The following TRPM2 variants were observed in gnomAD, a reference collection of about 807,000 sequenced individuals.
The protein encoded by TRPM2 is estrogen-responsive element-associated gene 1 protein.
A neutral mutation model predicts 174.0 loss-of-function variants in TRPM2; 161 were observed. That is an observed-to-expected ratio of 0.93 (90% CI 0.81 to 1.05). TRPM2 has a LOEUF of 1.05. TRPM2 is among the 50% of genes least tolerant of loss of function. TRPM2 has a pLI of 0.00. For synonymous variants in TRPM2, 954 were observed against 861.3 expected, an observed-to-expected ratio of 1.11 and a Z score of -1.88; for missense variants, 2,057 against 2,038.0, an observed-to-expected ratio of 1.01 and a Z score of -0.18.
At chr21:44,405,002 G>A (rs530210956) in intron 16 of TRPM2, 140 bp from the exon 17 acceptor site, 4 of 762,410 alleles carry the variant, frequency 5.2e-6, no homozygotes, top group South Asian at 3.1e-5. Context: ...GTGACAGCAA[G>A]GGTAGTGATG....
At chr21:44,364,075 C>T in intron 2 of TRPM2, 39 bp from the exon 3 acceptor site, 1 of 1,596,086 alleles carries the variant, frequency 6.3e-7, no homozygotes, top group South Asian at 1.1e-5. Flanking sequence ...GCAGGAAGGG[C>T]ACCACACTCC....
intron 29 of TRPM2, among the ~76,000 whole-genome samples, 177 bp downstream of exon 29, chr21:44,437,344 C>T (rs968986089): frequency 1.3e-5 from 2 of 152,196 alleles, no homozygotes; most frequent in African/African-American, 2.4e-5. Flanking sequence ...CCTCCCTTTT[C>T]CTCATGTTGC....
chr21:44,421,638 C>T (rs185902819), intron 22 of TRPM2, among the ~76,000 whole-genome samples: 30 of 152,048 alleles, frequency 2.0e-4, no homozygotes, highest in East Asian at 3.9e-4. Context: ...TAGCCAGGCA[C>T]GGTGGCTCAT....
chr21:44,436,563 A>C (rs1601261805), intron 28 of TRPM2, among the ~76,000 whole-genome samples: 2 of 47,256 alleles, frequency 4.2e-5, no homozygotes, highest in Non-Finnish European at 7.8e-5. Flanking sequence ...TTGGCACCCC[A>C]CGTCACCCCC....
rs1194941911 is a variant in TRPM2, at chr21:44,367,666, G to A, written c.604+732G>A. On this transcript the variant is annotated intron_variant, in intron 4 of 31. Transcript: ENST00000397928. This position sits in a 1 kb window ranked among gnomAD's most constrained non-coding sequence, Gnocchi z 4.6. ...TAGTGAGGCCCTGAGGTGACTACTT[G>A]GCAATGTTGCGTCCGGATGGGCCTA... Among the ~76,000 whole-genome samples, 2 of 152,192 alleles carry A rather than the reference G, an allele frequency of 1.3e-5. No homozygotes were observed. The highest frequency in any genetic ancestry group is 2.9e-5 in the Non-Finnish European group (2 of 68,026).
At chr21:44,387,677 T>C (rs1460293410) in intron 9 of TRPM2, among the ~76,000 whole-genome samples, 2 of 152,044 alleles carry the variant, frequency 1.3e-5, no homozygotes, top group African/African-American at 4.8e-5. Flanking sequence ...CCAGAATATA[T>C]AGAGAACTCC....
intron 5 of TRPM2, among the ~76,000 whole-genome samples, chr21:44,375,452 C>T (rs752134323): frequency 1.3e-5 from 2 of 152,192 alleles, no homozygotes; most frequent in African/African-American, 2.4e-5. Flanking sequence ...TGGTCTCTCA[C>T]GTGTCTGGAG....
intron 19 of TRPM2, among the ~76,000 whole-genome samples, chr21:44,411,035 C>A (rs1440375010): frequency 6.6e-6 from 1 of 151,750 alleles, no homozygotes; most frequent in African/African-American, 2.4e-5. Context: ...TCTTGGTTGG[C>A]GTAGCCTTGT....
intron 2 of TRPM2, among the ~76,000 whole-genome samples, chr21:44,356,270 G>A (rs2048060495): frequency 6.6e-6 from 1 of 151,162 alleles, no homozygotes; most frequent in South Asian, 2.1e-4. Context: ...GCCATGGAGG[G>A]CTGGATGTAG....
intron 19 of TRPM2, among the ~76,000 whole-genome samples, chr21:44,408,507 G>T (rs1323155076): frequency 6.6e-6 from 1 of 151,754 alleles, no homozygotes. Flanking sequence ...AAAAAACAAA[G>T]CTCGCATCCC....
intron 3 of TRPM2, among the ~76,000 whole-genome samples, chr21:44,365,073 C>T (rs1279101517): frequency 8.7e-5 from 13 of 150,226 alleles, no homozygotes; most frequent in African/African-American, 2.2e-4. Context: ...CTGAGACTCG[C>T]GTGTTGACCA....
intron 12 of TRPM2, among the ~76,000 whole-genome samples, chr21:44,396,928 GGGGTTGTGGAGGGCTGTGGAGGCTGTGGA>G (rs1251152232): frequency 8.4e-6 from 1 of 119,214 alleles, no homozygotes; most frequent in East Asian, 2.6e-4. Context: ...AGGGGTGTGG[GGGGTTGTGGAGGGCTGTGGAGGCTGTGGA>G]GGGTTGTGGG....
chr21:44,381,703 T>C (rs993563464), intron 8 of TRPM2, among the ~76,000 whole-genome samples: 49 of 151,942 alleles, frequency 3.2e-4, no homozygotes, highest in African/African-American at 1.2e-3. Context: ...GGTCAGGAGT[T>C]TGAGACCAGC....
In TRPM2 at chr21:44,354,847, T is replaced by C. The variant is rs781128587; in HGVS notation, c.254+111T>C. The C allele has an allele frequency of 2.4e-5, 22 of 903,226 alleles. No individual in the cohort carries two copies. Among genetic ancestry groups the C allele is most frequent in the Non-Finnish European group, 3.8e-5 (21 of 546,088 alleles). The allele number at this position is 903,226 out of a possible 1,614,324, so 56.0% of individuals were successfully genotyped here. On this transcript the variant is annotated intron_variant, in intron 2 of 31. Coordinates refer to ENST00000397928, the MANE Select transcript of TRPM2 (RefSeq NM_003307.4). This position sits in a 1 kb window ranked among gnomAD's most constrained non-coding sequence, Gnocchi z 4.3. ...GGCCTCAGTGAAGGGTCACTGGAGA[T>C]ACCTCTGTCTCCATACGAGGCTTAG...
chr21:44,378,257 C>G (rs995770451), intron 7 of TRPM2, among the ~76,000 whole-genome samples: 15 of 152,352 alleles, frequency 9.8e-5, no homozygotes, highest in African/African-American at 3.1e-4. Context: ...CGACCCTAAC[C>G]CTAACTGCTT....
intron 22 of TRPM2, among the ~76,000 whole-genome samples, chr21:44,419,576 A>C (rs1274096551): frequency 9.0e-3 from 2 of 222 alleles, no homozygotes; most frequent in Non-Finnish European, 0.01. Context: ...GGTGGTGGTG[A>C]TGGTAGTGGT....
rs2049164768 is a variant in TRPM2, at chr21:44,391,265, C to T, written c.1441-7C>T. On this transcript the variant is annotated splice_polypyrimidine_tract_variant and splice_region_variant and intron_variant, in intron 10 of 31. Coordinates refer to ENST00000397928, the MANE Select transcript of TRPM2 (RefSeq NM_003307.4). This position sits in a 1 kb window ranked among gnomAD's most constrained non-coding sequence, Gnocchi z 5.0. Reference sequence around the variant, plus strand: ...TGCAACCGTCACTGCACAATGCTTGCTCTCAGCCTTCAGATCTGCACCCCA... The same window carrying T: ...TGCAACCGTCACTGCACAATGCTTGTTCTCAGCCTTCAGATCTGCACCCCA... The T allele has an allele frequency of 6.2e-7, 1 of 1,609,650 alleles. No individual in the cohort carries two copies. Among genetic ancestry groups the T allele is most frequent in the Admixed American group, 1.7e-5 (1 of 59,874 alleles).
chr21:44,354,559 G>A lies in TRPM2; in HGVS notation c.166-89G>A, dbSNP rs932457600. ...CTTCCTTCAAGCAAATAGTGTGAAA[G>A]CTCCTCAAGGAGCTCAGATGTGTCT... is the stretch of plus-strand genomic sequence containing the variant. On this transcript the variant is annotated intron_variant, in intron 1 of 31. Transcript: ENST00000397928. This position sits in a 1 kb window ranked among gnomAD's most constrained non-coding sequence, Gnocchi z 4.3. 6 of 1,177,690 alleles carry A rather than the reference G, an allele frequency of 5.1e-6. No homozygotes were observed. The African/African-American group carries it at 7.6e-5, about 15-fold the overall frequency. 73.0% of individuals were successfully genotyped at this position (1,177,690 alleles called of 1,614,324 possible). A position where few individuals can be genotyped will look rare whatever the true frequency, so the allele number is the denominator to read the frequency against.
rs1199013860 is a variant in TRPM2, at chr21:44,430,554, C to T, written c.3974+3443C>T. Reference sequence around the variant, plus strand: ...ACGCCATTCTCCTGCCTCAGCCTCCCGAGTAGCTGGGACTACAGGCGCCCG... The same window carrying T: ...ACGCCATTCTCCTGCCTCAGCCTCCTGAGTAGCTGGGACTACAGGCGCCCG... On this transcript the variant is annotated intron_variant, in intron 27 of 31. Coordinates refer to ENST00000397928, the MANE Select transcript of TRPM2 (RefSeq NM_003307.4). Among the ~76,000 whole-genome samples, 2 of 50,640 alleles carry T rather than the reference C, an allele frequency of 3.9e-5. 1 individual carries two copies. Among genetic ancestry groups the T allele is most frequent in the Non-Finnish European group, 8.0e-5 (2 of 25,034 alleles). 33.2% of individuals were successfully genotyped at this position (50,640 alleles called of 152,430 possible).
Sources: allele counts gnomAD v4.1 joint callset (sites outside exome capture counted in the v4.1 genomes callset), GRCh38; gene constraint gnomAD v4.1.1; non-coding constraint Gnocchi (gnomAD v3.1); transcripts MANE v1.5; gene names NCBI Gene and HGNC (gene_info 2026-07-23, HGNC 2026-07-21).